Variants in DNAH9 observed in about 807,000 individuals in gnomAD.
DNAH9 encodes the protein DNAH9 variant protein.
DNAH9 carries 345 observed loss-of-function variants against 471.6 expected under a neutral mutation model. That is an observed-to-expected ratio of 0.73 (90% CI 0.67 to 0.80). The LOEUF (loss-of-function observed/expected upper bound fraction) is 0.80. Among genes scored for constraint, DNAH9 ranks in the 30% least tolerant of loss-of-function variants. The probability of loss-of-function intolerance (pLI) is 0.00; values close to 1 mark genes in which losing one functional copy is unlikely to be tolerated. For missense variants in DNAH9, 5,407 were observed against 5,609.2 expected (o/e 0.96, Z 1.15); for synonymous variants, 2,093 against 2,123.6 (o/e 0.99, Z 0.40).
intron 61 of DNAH9, among the ~76,000 whole-genome samples, chr17:11,907,960 T>G (rs1246560737): frequency 6.6e-6 from 1 of 152,184 alleles, no homozygotes; most frequent in Non-Finnish European, 1.5e-5. Context: ...ATTCCTGATA[T>G]GAAAAACAAG....
At position 11,755,271 on chromosome 17, in the gene DNAH9, G is replaced by GT. The variant is rs933143382; in HGVS notation, c.6739-1289dup. On this transcript the variant is annotated intron_variant, in intron 33 of 68. Coordinates refer to ENST00000262442, the MANE Select transcript of DNAH9 (RefSeq NM_001372.4). ...CAGGTAACATGATGCCTCCAGCTTT[G>GT]TTTTTTTTGCTTATGATTGCCTTAG... 2.1e-4 allele frequency among the ~76,000 whole-genome samples: 32 copies of GT among 151,724 alleles called. 1 individual carries two copies. The highest frequency in any genetic ancestry group is 3.4e-4 in the African/African-American group (14 of 41,368).
chr17:11,937,500 C>T lies in DNAH9; in HGVS notation c.12638C>T (p.Ala4213Val), dbSNP rs769630167. The change falls in exon 66 of 69, where the codon GCG becomes GTG. Residue 4213 changes from alanine to valine, a missense_variant. Physicochemically the swap from Ala to Val is moderately conservative, Grantham distance 64. Around this residue, in one of 3 missense-constraint regions of DNAH9, gnomAD observed 4,636 missense variants for 4,900.3 expected, o/e 0.95. Transcript: ENST00000262442. This position sits in a 1 kb window ranked among gnomAD's most constrained non-coding sequence, Gnocchi z 4.1. ...CGGGACAGCCAGGCCAGAGACGGAG[C>T]GGGCGCCACAAGAGAAGAAAAGGTG... ...QPRDSQARDG[A>V]GATREEKVKA... The T allele has an allele frequency of 4.3e-6, 7 of 1,612,454 alleles. No individual in the cohort carries two copies. Among genetic ancestry groups the T allele is most frequent in the African/African-American group, 4.0e-5 (3 of 74,882 alleles).
At chr17:11,734,216 C>A (rs1263735251) in intron 28 of DNAH9, among the ~76,000 whole-genome samples, 29 of 152,166 alleles carry the variant, frequency 1.9e-4, no homozygotes, top group Admixed American at 1.9e-3. Context: ...CCTGCTGAAA[C>A]AGAATCTTCA....
At chr17:11,893,343 T>C (rs1278233684) in intron 58 of DNAH9, among the ~76,000 whole-genome samples, 1 of 152,128 alleles carries the variant, frequency 6.6e-6, no homozygotes, top group Non-Finnish European at 1.5e-5. Flanking sequence ...TGTGAAAATA[T>C]CCCCATCTCT....
intron 48 of DNAH9, among the ~76,000 whole-genome samples, chr17:11,827,027 G>A (rs541935591): frequency 2.0e-5 from 3 of 152,014 alleles, no homozygotes; most frequent in Admixed American, 6.5e-5. Flanking sequence ...GTTTCACCAT[G>A]TTGGCCAGGA....
At chr17:11,821,155 G>A (rs1252759406) in intron 45 of DNAH9, among the ~76,000 whole-genome samples, 7 of 151,922 alleles carry the variant, frequency 4.6e-5, no homozygotes, top group Non-Finnish European at 7.4e-5. Flanking sequence ...GCATGGTGGC[G>A]CATGCCTGTA....
chr17:11,744,879 C>T lies in DNAH9; in HGVS notation c.6194C>T (p.Pro2065Leu), dbSNP rs1209774604. Reference sequence around the variant, plus strand: ...CTGAAGAGAGGAGACCCTGACCGGCCTGAGGACCAGGTCCTGATGCGCTCC... The same window carrying T: ...CTGAAGAGAGGAGACCCTGACCGGCTTGAGGACCAGGTCCTGATGCGCTCC... Reference protein sequence around the residue: ...GSLKRGDPDRPEDQVLMRSLR... With the variant: ...GSLKRGDPDRLEDQVLMRSLR... Residue 2065 changes from proline (P) to leucine (L), a missense_variant, in exon 31 of 69, where the codon CCT becomes CTT. By Grantham distance (98) the Pro-to-Leu change is moderately conservative. Transcript: ENST00000262442. 17 of 1,614,054 alleles carry T rather than the reference C, an allele frequency of 1.1e-5. No homozygotes were observed. The highest frequency in any genetic ancestry group is 1.3e-5 in the Non-Finnish European group (15 of 1,180,022).
At chr17:11,679,620 T>C (rs1338019265) in intron 17 of DNAH9, 137 bp from the exon 18 acceptor site, 3 of 678,090 alleles carry the variant, frequency 4.4e-6, no homozygotes, top group African/African-American at 1.8e-5. Context: ...GCATAGTCTA[T>C]GCAGAGTGCT....
intron 38 of DNAH9, among the ~76,000 whole-genome samples, chr17:11,772,175 T>A (rs1329861258): frequency 6.6e-6 from 1 of 152,026 alleles, no homozygotes; most frequent in East Asian, 1.9e-4. Flanking sequence ...TGTTTTTGTA[T>A]TTAATTGATT....
At position 11,690,566 on chromosome 17, in the gene DNAH9, C is replaced by T. The variant is rs2074318006; in HGVS notation, c.4614+130C>T. On this transcript the variant is annotated intron_variant, in intron 20 of 68. Transcript: ENST00000262442. ...GCTTTGACTTTACTTAAAGGCACTTCCCACAGATGCTCACCTTACCTGCCA... is the reference window on the plus strand; with the variant it reads ...GCTTTGACTTTACTTAAAGGCACTTTCCACAGATGCTCACCTTACCTGCCA... 9.8e-6 allele frequency: 8 copies of T among 813,292 alleles called. No homozygotes were observed. The Middle Eastern group carries it at 1.8e-3, about 181-fold the overall frequency. The allele number at this position is 813,292 out of a possible 1,614,324, so 50.4% of individuals were successfully genotyped here. A position where few individuals can be genotyped will look rare whatever the true frequency, so the allele number is the denominator to read the frequency against.
At chr17:11,686,124 G>A (rs943482537) in intron 19 of DNAH9, among the ~76,000 whole-genome samples, 1 of 152,058 alleles carries the variant, frequency 6.6e-6, no homozygotes, top group East Asian at 1.9e-4. Context: ...TGGGTATCAA[G>A]GACAGGTATG....
Position 11,822,472 on chromosome 17 carries a change from T to A in DNAH9, c.8885T>A (p.Leu2962Gln), listed in dbSNP as rs1293542999. Reference protein sequence around the residue: ...TLCFSPVGNKLRVRSRKFPAI... With the variant: ...TLCFSPVGNKQRVRSRKFPAI... ...TGTTTCTCCCCTGTGGGAAACAAGC[T>A]AAGAGTCCGCAGCAGGAAGTTCCCA... The change falls in exon 47 of 69, where the codon CTA (leucine) becomes CAA (glutamine). Residue 2962 changes from leucine (L) to glutamine (Q), a missense_variant. By Grantham distance (113) the Leu-to-Gln change is moderately radical. Around this residue, in one of 3 missense-constraint regions of DNAH9, gnomAD observed 4,636 missense variants for 4,900.3 expected, o/e 0.95. Coordinates refer to ENST00000262442, the MANE Select transcript of DNAH9 (RefSeq NM_001372.4). The A allele has an allele frequency of 5.0e-6, 8 of 1,614,146 alleles. 1 individual carries two copies. The South Asian group carries it at 8.8e-5, about 18-fold the overall frequency.
chr17:11,968,729 T>C (rs1976945227), intron 68 of DNAH9, among the ~76,000 whole-genome samples: 1 of 152,208 alleles, frequency 6.6e-6, no homozygotes, highest in Non-Finnish European at 1.5e-5. Flanking sequence ...TCTGTACAGC[T>C]GTATTGAAAT....
chr17:11,647,309 G>A (rs774159308), intron 12 of DNAH9, 111 bp downstream of exon 12: 2 of 1,152,478 alleles, frequency 1.7e-6, no homozygotes, highest in Non-Finnish European at 2.5e-6. Flanking sequence ...TTTCACTCTT[G>A]TCGCCCAGGC....
chr17:11,627,244 G>C (rs1216042169), intron 6 of DNAH9, among the ~76,000 whole-genome samples: 1 of 152,184 alleles, frequency 6.6e-6, no homozygotes, highest in East Asian at 1.9e-4. Flanking sequence ...AAGTAGAATA[G>C]TTAAATAAAT....
Position 11,679,973 on chromosome 17 carries a change from G to A in DNAH9, c.3570G>A (p.Gln1190=). ...AATTGCCAGAAACAGTGTTTAAGCA[G>A]CTGGAGGTCAGTGCATTTATGTCTT... is the stretch of plus-strand genomic sequence containing the variant. ...EQELPETVFK[Q]LEELPEKWNN... The change falls in exon 18 of 69, where the codon CAG becomes CAA. Residue 1190 remains glutamine, a synonymous_variant. Coordinates refer to ENST00000262442, the MANE Select transcript of DNAH9 (RefSeq NM_001372.4). 1 of 1,612,634 alleles carries A rather than the reference G, an allele frequency of 6.2e-7. No individual in the cohort carries two copies. The highest frequency in any genetic ancestry group is 8.5e-7 in the Non-Finnish European group (1 of 1,178,788).
intron 35 of DNAH9, among the ~76,000 whole-genome samples, chr17:11,758,667 C>T (rs1032975636): frequency 3.9e-5 from 6 of 152,264 alleles, no homozygotes; most frequent in Non-Finnish European, 5.9e-5. Context: ...CTGCAGGAAA[C>T]GATACTGCAA....
chr17:11,943,431 C>T (rs1167118072), intron 67 of DNAH9, among the ~76,000 whole-genome samples: 1 of 152,072 alleles, frequency 6.6e-6, no homozygotes, highest in Non-Finnish European at 1.5e-5. Context: ...GTAATCCCAG[C>T]ACTTTGGGAG....
chr17:11,751,243 C>T (rs1968112), intron 32 of DNAH9, among the ~76,000 whole-genome samples: 151,772 of 152,006 alleles, frequency 1, 75,770 homozygotes, highest in Middle Eastern at 1. Flanking sequence ...ATTTCAAAAT[C>T]ATGAAAAGAT....
Sources: allele counts gnomAD v4.1 joint callset (sites outside exome capture counted in the v4.1 genomes callset), GRCh38; gene constraint gnomAD v4.1.1; regional missense constraint gnomAD v4.1.1; non-coding constraint Gnocchi (gnomAD v3.1); transcripts MANE v1.5; gene names NCBI Gene and HGNC (gene_info 2026-07-23, HGNC 2026-07-21).